The following MIR2052HG variants were observed in gnomAD, a reference collection of about 807,000 sequenced individuals.
The protein encoded by MIR2052HG is MIR2052 host gene.
intron 2 of MIR2052HG, among the ~76,000 whole-genome samples, chr8:74,662,605 C>G (rs1304445197): frequency 6.6e-6 from 1 of 152,128 alleles, no homozygotes; most frequent in East Asian, 1.9e-4. Flanking sequence ...AAGTTGCGTT[C>G]TGTAAGGTAT....
Position 74,698,902 on chromosome 8 carries a change from A to C in MIR2052HG, n.217-3477A>C, listed in dbSNP as rs370035554. Among the ~76,000 whole-genome samples the C allele has an allele frequency of 5.3e-3, 804 of 152,264 alleles. 7 individuals carry two copies. Among genetic ancestry groups the C allele is most frequent in the African/African-American group, 0.018 (739 of 41,562 alleles). ...TCTGCACAAGTATCCTGGAACTTAA[A>C]GTAAAATAAAATGAAACATAAAACA... On this transcript the variant is annotated intron_variant and non_coding_transcript_variant, in intron 2 of 6. Transcript: ENST00000523442.
At chr8:74,600,899 C>T (rs6472866) in intron 1 of MIR2052HG, among the ~76,000 whole-genome samples, 66,502 of 151,950 alleles carry the variant, frequency 0.44, 14,903 homozygotes, top group East Asian at 0.67. Flanking sequence ...AATGCTGTGA[C>T]GTATAGGTGT....
At chr8:74,639,508 C>T (rs985671193) in intron 2 of MIR2052HG, among the ~76,000 whole-genome samples, 3 of 152,246 alleles carry the variant, frequency 2.0e-5, no homozygotes, top group Non-Finnish European at 4.4e-5. Context: ...CAACTGGTCA[C>T]ATAGAGTTAT....
chr8:74,738,133 G>GTATGTATCTGTC (rs1554578693), intron 4 of MIR2052HG, among the ~76,000 whole-genome samples: 1 of 149,512 alleles, frequency 6.7e-6, no homozygotes, highest in Non-Finnish European at 1.5e-5. Flanking sequence ...ATGTATGTAT[G>GTATGTATCTGTC]TATCTATCTA....
intron 2 of MIR2052HG, among the ~76,000 whole-genome samples, chr8:74,632,013 A>G (rs992686850): frequency 1.3e-5 from 2 of 152,136 alleles, no homozygotes; most frequent in Non-Finnish European, 2.9e-5. Context: ...ATTTGGAGGG[A>G]CACAAACATT....
chr8:74,727,449 A>G (rs1013132426), intron 4 of MIR2052HG, among the ~76,000 whole-genome samples: 1 of 152,170 alleles, frequency 6.6e-6, no homozygotes, highest in Non-Finnish European at 1.5e-5. Flanking sequence ...TGGCTCAGAG[A>G]TTTAAAAAGT....
At chr8:74,737,254 A>G (rs1809776399) in intron 4 of MIR2052HG, among the ~76,000 whole-genome samples, 2 of 152,224 alleles carry the variant, frequency 1.3e-5, no homozygotes, top group African/African-American at 2.4e-5. Flanking sequence ...TCTACAACCA[A>G]TCAGACTGAT....
chr8:74,615,553 G>A (rs554423657), intron 2 of MIR2052HG, among the ~76,000 whole-genome samples: 1 of 151,412 alleles, frequency 6.6e-6, no homozygotes, highest in East Asian at 1.9e-4. Flanking sequence ...CTGATAACTA[G>A]CTCTGCATTT....
At chr8:74,655,292 C>T (rs1808792968) in intron 2 of MIR2052HG, among the ~76,000 whole-genome samples, 1 of 152,134 alleles carries the variant, frequency 6.6e-6, no homozygotes, top group African/African-American at 2.4e-5. Context: ...AACAAGGAGC[C>T]GAATGTTAAT....
chr8:74,612,036 T>A (rs1808203844), intron 1 of MIR2052HG, among the ~76,000 whole-genome samples: 1 of 151,460 alleles, frequency 6.6e-6, no homozygotes, highest in African/African-American at 2.4e-5. Flanking sequence ...GAACAGAGTC[T>A]TATCTTCAAG....
At chr8:74,675,906 C>T (rs575818800) in intron 2 of MIR2052HG, among the ~76,000 whole-genome samples, 2 of 152,038 alleles carry the variant, frequency 1.3e-5, no homozygotes, top group South Asian at 4.2e-4. Context: ...TCCGATAAAT[C>T]TCTTAAATTT....
At chr8:74,609,344 G>A (rs115538042) in intron 1 of MIR2052HG, among the ~76,000 whole-genome samples, 140 of 151,982 alleles carry the variant, frequency 9.2e-4, no homozygotes, top group African/African-American at 3.2e-3. Context: ...CAGATGCTTC[G>A]CTAGGGAATT....
chr8:74,700,693 T>C (rs150386531), intron 2 of MIR2052HG, among the ~76,000 whole-genome samples: 351 of 152,248 alleles, frequency 2.3e-3, no homozygotes, highest in African/African-American at 7.8e-3. Context: ...AGGGCTCTCA[T>C]TTCTGAGACA....
chr8:74,627,811 T>G (rs1187246421), intron 2 of MIR2052HG, among the ~76,000 whole-genome samples: 2 of 152,184 alleles, frequency 1.3e-5, no homozygotes, highest in African/African-American at 2.4e-5. Context: ...ATAAGCATTT[T>G]AAAAAAATGA....
At chr8:74,604,157 C>T (rs1426218127) in intron 1 of MIR2052HG, 2 of 891,688 alleles carry the variant, frequency 2.2e-6, no homozygotes, top group Admixed American at 3.4e-5. Flanking sequence ...CCTTTCTTTC[C>T]GATGATACTG....
intron 2 of MIR2052HG, among the ~76,000 whole-genome samples, chr8:74,616,178 G>A (rs1808279167): frequency 6.6e-6 from 1 of 151,918 alleles, no homozygotes; most frequent in Admixed American, 6.6e-5. Context: ...GATCCTTGAG[G>A]AATTGCCACA....
intron 2 of MIR2052HG, among the ~76,000 whole-genome samples, chr8:74,617,096 T>C (rs1194310530): frequency 6.6e-6 from 1 of 152,188 alleles, no homozygotes; most frequent in Non-Finnish European, 1.5e-5. Context: ...CTTTAAACAT[T>C]TTTAATTTTT....
chr8:74,603,691 G>C (rs1808060049), intron 1 of MIR2052HG: 4 of 975,768 alleles, frequency 4.1e-6, no homozygotes, highest in African/African-American at 1.6e-5. Context: ...GATGACCGGA[G>C]AGCTGGAAGG....
rs1809368562 is a variant in MIR2052HG at position 74,702,521 on chromosome 8, G to A, written n.294+65G>A. On this transcript the variant is annotated intron_variant and non_coding_transcript_variant, in intron 3 of 6. Coordinates refer to ENST00000523442, the Ensembl canonical transcript of MIR2052HG. Reference sequence around the variant, plus strand: ...TCTGCACACATCCTACTAGAATTGGGGAATGGAATATACATGTAAGCCAGA... The same window carrying A: ...TCTGCACACATCCTACTAGAATTGGAGAATGGAATATACATGTAAGCCAGA... 3.9e-5 allele frequency: 14 copies of A among 361,862 alleles called. 1 individual carries two copies. The Admixed American group carries it at 3.9e-4, about 10-fold the overall frequency. The allele number at this position is 361,862 out of a possible 1,614,324, so 22.4% of individuals were successfully genotyped here. A position where few individuals can be genotyped will look rare whatever the true frequency, so the allele number is the denominator to read the frequency against.
Sources: allele counts gnomAD v4.1 joint callset (sites outside exome capture counted in the v4.1 genomes callset), GRCh38; gene constraint gnomAD v4.1.1; transcripts MANE v1.5; gene names NCBI Gene and HGNC (gene_info 2026-07-23, HGNC 2026-07-21).